The following AGBL4 variants were observed in gnomAD, a reference collection of about 807,000 sequenced individuals.
The protein encoded by AGBL4 is cytosolic carboxypeptidase 6.
Under a neutral mutation model 66.4 loss-of-function variants are expected in AGBL4, and 58 were observed. That is an observed-to-expected ratio of 0.87 (90% CI 0.71 to 1.09). AGBL4 has a LOEUF of 1.09. Ranked by LOEUF, AGBL4 falls within the 50% of genes least tolerant of loss-of-function variation. AGBL4 has a pLI of 0.00. For missense variants in AGBL4, 579 were observed against 631.0 expected (o/e 0.92, Z 0.88); for synonymous variants, 234 against 222.9 (o/e 1.05, Z -0.44).
chr1:49,011,925 A>T (rs554518143), intron 5 of AGBL4, among the ~76,000 whole-genome samples: 1 of 151,554 alleles, frequency 6.6e-6, no homozygotes, highest in African/African-American at 2.4e-5. Flanking sequence ...AGATATACCT[A>T]ATGCTAGATG....
chr1:49,879,452 T>G (rs1647143838), intron 1 of AGBL4, among the ~76,000 whole-genome samples: 1 of 149,006 alleles, frequency 6.7e-6, no homozygotes. Flanking sequence ...AATTCTGGGT[T>G]GAAAATTATT....
chr1:49,729,806 T>C (rs1278894338), intron 2 of AGBL4, among the ~76,000 whole-genome samples: 2 of 152,044 alleles, frequency 1.3e-5, no homozygotes, highest in Non-Finnish European at 2.9e-5. Flanking sequence ...AAATGAGATA[T>C]ATTGATAGCA....
At chr1:49,862,239 A>G (rs577663384) in intron 1 of AGBL4, among the ~76,000 whole-genome samples, 1 of 152,178 alleles carries the variant, frequency 6.6e-6, no homozygotes, top group South Asian at 2.1e-4. Flanking sequence ...AAAGCTGAAA[A>G]ATGCAATTGG....
intron 2 of AGBL4, among the ~76,000 whole-genome samples, chr1:49,724,163 T>G (rs181024164): frequency 6.6e-6 from 1 of 152,286 alleles, no homozygotes; most frequent in Admixed American, 6.5e-5. Flanking sequence ...ATGATATACT[T>G]CAAGAACAAA....
At chr1:49,523,956 CCATCATCATCATCAT>C (rs201580756) in intron 3 of AGBL4, among the ~76,000 whole-genome samples, 1 of 150,878 alleles carries the variant, frequency 6.6e-6, no homozygotes, top group Non-Finnish European at 1.5e-5. Flanking sequence ...AGCATTATCA[CCATCATCATCATCAT>C]CATCATCATC....
chr1:49,142,393 T>C (rs1010325554), intron 4 of AGBL4, among the ~76,000 whole-genome samples: 1 of 152,186 alleles, frequency 6.6e-6, no homozygotes, highest in Non-Finnish European at 1.5e-5. Context: ...TAATGCATAT[T>C]AGGCTTCCAA....
intron 3 of AGBL4, among the ~76,000 whole-genome samples, chr1:49,488,115 G>A (rs1647106968): frequency 6.6e-6 from 1 of 151,762 alleles, no homozygotes; most frequent in South Asian, 2.1e-4. Context: ...ATATTTAGGT[G>A]TACTGAATAC....
intron 5 of AGBL4, among the ~76,000 whole-genome samples, chr1:49,026,251 G>A (rs879737294): frequency 2.0e-5 from 3 of 152,114 alleles, no homozygotes; most frequent in Non-Finnish European, 4.4e-5. Flanking sequence ...AGTTGTCTCA[G>A]CTCTTGTTTG....
At chr1:48,540,621 G>T (rs183666694) in intron 11 of AGBL4, among the ~76,000 whole-genome samples, 3 of 152,076 alleles carry the variant, frequency 2.0e-5, no homozygotes, top group East Asian at 3.9e-4. Flanking sequence ...CATGACTCCT[G>T]AACTGGCTTC....
intron 1 of AGBL4, among the ~76,000 whole-genome samples, chr1:49,968,993 A>T (rs2148358139): frequency 6.6e-6 from 1 of 152,334 alleles, no homozygotes; most frequent in South Asian, 2.1e-4. Context: ...ACCCAAGCTG[A>T]CACACATGAC....
intron 6 of AGBL4, among the ~76,000 whole-genome samples, chr1:48,816,936 G>A (rs1375981188): frequency 2.6e-5 from 4 of 152,148 alleles, no homozygotes; most frequent in Non-Finnish European, 5.9e-5. Flanking sequence ...GAATGCCCTC[G>A]AAGGTGGTCA....
chr1:48,838,237 T>C (rs1646727264), intron 6 of AGBL4, among the ~76,000 whole-genome samples: 1 of 151,988 alleles, frequency 6.6e-6, no homozygotes, highest in Non-Finnish European at 1.5e-5. Flanking sequence ...AGCTAATAAG[T>C]TCCTGAGCAA....
chr1:49,982,847 A>T (rs1659181141), intron 1 of AGBL4, among the ~76,000 whole-genome samples: 1 of 152,094 alleles, frequency 6.6e-6, no homozygotes, highest in Non-Finnish European at 1.5e-5. Context: ...GAGAGGAGCT[A>T]CCCACTCCAG....
Position 49,245,795 on chromosome 1 carries a change from C to T in AGBL4, c.352G>A (p.Val118Met). Residue 118 changes from valine (V) to methionine (M), a missense_variant, in exon 4 of 14, where the codon GTG (valine) becomes ATG (methionine). Coordinates refer to ENST00000371839, the MANE Select transcript of AGBL4 (RefSeq NM_032785.4). ...SLYRDGMAPM[V>M]KSTSRPKWQR... ...CATTTTGGTCTGCTGGTAGATTTCA[C>T]CATAGGGGCCATCCCATCTCTATAG... 6.5e-7 allele frequency: 1 copy of T among 1,549,586 alleles called. No homozygotes were observed. The highest frequency in any genetic ancestry group is 1.2e-5 in the South Asian group (1 of 83,956).
At chr1:49,501,755 C>G (rs774467111) in intron 3 of AGBL4, among the ~76,000 whole-genome samples, 2 of 151,780 alleles carry the variant, frequency 1.3e-5, no homozygotes, top group Non-Finnish European at 2.9e-5. Flanking sequence ...TTACTATAAA[C>G]TTCTCTCAGA....
At chr1:49,884,433 T>C (rs1216662145) in intron 1 of AGBL4, among the ~76,000 whole-genome samples, 3 of 151,812 alleles carry the variant, frequency 2.0e-5, no homozygotes, top group African/African-American at 4.8e-5. Context: ...ATGTATTTAG[T>C]GAAAAGAATA....
intron 11 of AGBL4, among the ~76,000 whole-genome samples, chr1:48,540,677 T>C (rs1644052268): frequency 6.6e-6 from 1 of 152,156 alleles, no homozygotes; most frequent in African/African-American, 2.4e-5. Flanking sequence ...AATTATGTGT[T>C]TACTCAGCTT....
chr1:49,755,713 A>G (rs1651837173), intron 2 of AGBL4, among the ~76,000 whole-genome samples: 1 of 152,102 alleles, frequency 6.6e-6, no homozygotes, highest in South Asian at 2.1e-4. Flanking sequence ...CCCAATGATA[A>G]TTTTATCTAA....
intron 3 of AGBL4, among the ~76,000 whole-genome samples, chr1:49,664,343 C>T (rs1025679518): frequency 6.6e-5 from 10 of 151,916 alleles, no homozygotes; most frequent in African/African-American, 2.4e-4. Flanking sequence ...ACCATGTTAA[C>T]TTATTTTAAA....
Sources: allele counts gnomAD v4.1 joint callset (sites outside exome capture counted in the v4.1 genomes callset), GRCh38; gene constraint gnomAD v4.1.1; transcripts MANE v1.5; gene names NCBI Gene and HGNC (gene_info 2026-07-23, HGNC 2026-07-21).